PPM1E: variants seen among roughly 807,000 people sequenced by gnomAD.
The protein encoded by PPM1E is protein phosphatase 1E.
PPM1E carries 20 observed loss-of-function variants against 65.9 expected under a neutral mutation model. The ratio of observed to expected loss-of-function variants is 0.30; its 90% CI spans 0.21 to 0.44. The LOEUF is 0.44. Among genes scored for constraint, PPM1E ranks in the 20% least tolerant of loss-of-function variants. The pLI is 1.00. For missense variants in PPM1E, 713 were observed against 953.1 expected, an observed-to-expected ratio of 0.75 and a Z score of 3.32; for synonymous variants, 352 against 374.9, an observed-to-expected ratio of 0.94 and a Z score of 0.70.
chr17:58,906,423 C>G (rs1230177062), intron 1 of PPM1E, among the ~76,000 whole-genome samples: 1 of 152,190 alleles, frequency 6.6e-6, no homozygotes, highest in African/African-American at 2.4e-5. Flanking sequence ...ACTGCAGCTT[C>G]AATCTCCCAG....
rs541451791 is a variant in PPM1E, at chr17:58,926,988, T to C, written c.465-28661T>C. On this transcript the variant is annotated intron_variant, in intron 1 of 6. Transcript: ENST00000308249. Reference sequence around the variant, plus strand: ...ATTGACTAACATTGAATTCAGACTTTGTGTTATTTTAACTCACAATTTATT... The same window carrying C: ...ATTGACTAACATTGAATTCAGACTTCGTGTTATTTTAACTCACAATTTATT... Among the ~76,000 whole-genome samples, 3 of 152,262 alleles carry C rather than the reference T, an allele frequency of 2.0e-5. No individual in the cohort carries two copies. In the South Asian group the frequency reaches 6.2e-4, roughly 32 times the overall value.
At chr17:58,969,367 G>A (rs2030452037) in intron 3 of PPM1E, 172 bp from the exon 4 acceptor site, 2 of 725,996 alleles carry the variant, frequency 2.8e-6, no homozygotes, top group African/African-American at 1.7e-5. Context: ...TAATATTGCA[G>A]GTATTTCAGC....
intron 1 of PPM1E, among the ~76,000 whole-genome samples, chr17:58,830,660 A>G (rs1214308395): frequency 2.0e-5 from 3 of 151,382 alleles, no homozygotes; most frequent in African/African-American, 7.3e-5. Context: ...ACCTATTTGT[A>G]TGTGGTTTAC....
chr17:58,786,186 T>C (rs2050098980), intron 1 of PPM1E, among the ~76,000 whole-genome samples: 1 of 151,990 alleles, frequency 6.6e-6, no homozygotes, highest in Non-Finnish European at 1.5e-5. Context: ...GGCTAATTTT[T>C]TGTATTTTTA....
intron 6 of PPM1E, among the ~76,000 whole-genome samples, chr17:58,975,831 G>T (rs2143774660): frequency 6.6e-6 from 1 of 152,306 alleles, no homozygotes; most frequent in East Asian, 1.9e-4. Flanking sequence ...AGTAGAAAGA[G>T]CCTGGCTGGG....
rs559097194 is a variant in PPM1E at position 58,814,182 on chromosome 17, T to C, written c.464+57721T>C. Among the ~76,000 whole-genome samples the C allele has an allele frequency of 2.6e-5, 4 of 152,258 alleles. No homozygotes were observed. The South Asian group carries it at 8.3e-4, about 32-fold the overall frequency. On this transcript the variant is annotated intron_variant, in intron 1 of 6. Transcript: ENST00000308249. ...TGTCATTAAGAATATAGCTTCTAAG[T>C]TGATTCTAGAAAAAGAGTAGTATTT...
At chr17:58,839,874 G>C (rs1434860972) in intron 1 of PPM1E, among the ~76,000 whole-genome samples, 1 of 152,110 alleles carries the variant, frequency 6.6e-6, no homozygotes, top group African/African-American at 2.4e-5. Context: ...AGATGGGTAT[G>C]TGCACAAGTT....
At chr17:58,896,228 A>G (rs2051414717) in intron 1 of PPM1E, among the ~76,000 whole-genome samples, 3 of 152,186 alleles carry the variant, frequency 2.0e-5, no homozygotes, top group Admixed American at 2.0e-4. Context: ...CTTAAGCCAA[A>G]GCCTAATCCA....
chr17:58,959,191 C>T (rs1175967505), intron 2 of PPM1E, among the ~76,000 whole-genome samples: 1 of 151,700 alleles, frequency 6.6e-6, no homozygotes, highest in Non-Finnish European at 1.5e-5. Flanking sequence ...CACCTGTAGT[C>T]CCAGCTACTT....
At chr17:58,886,913 A>G (rs986152387) in intron 1 of PPM1E, among the ~76,000 whole-genome samples, 2 of 152,110 alleles carry the variant, frequency 1.3e-5, no homozygotes, top group African/African-American at 4.8e-5. Flanking sequence ...CAAAGAGCAT[A>G]TGGGAACTCT....
intron 1 of PPM1E, among the ~76,000 whole-genome samples, chr17:58,955,193 C>T (rs1395762502): frequency 6.6e-6 from 1 of 152,082 alleles, no homozygotes; most frequent in Non-Finnish European, 1.5e-5. Flanking sequence ...GGAGAAACCC[C>T]GTCTCTACTA....
intron 1 of PPM1E, among the ~76,000 whole-genome samples, chr17:58,804,996 C>G (rs2050291750): frequency 6.6e-6 from 1 of 152,094 alleles, no homozygotes; most frequent in East Asian, 1.9e-4. Flanking sequence ...ACCCATTGAC[C>G]AATCTCTCTT....
At chr17:58,873,584 T>C (rs902724881) in intron 1 of PPM1E, among the ~76,000 whole-genome samples, 1 of 146,294 alleles carries the variant, frequency 6.8e-6, no homozygotes, top group South Asian at 2.2e-4. Flanking sequence ...TTATTATTAT[T>C]ATTATTATTA....
At chr17:58,876,270 A>C (rs890669876) in intron 1 of PPM1E, among the ~76,000 whole-genome samples, 2 of 152,078 alleles carry the variant, frequency 1.3e-5, no homozygotes, top group African/African-American at 4.8e-5. Flanking sequence ...TTTTTAAAGG[A>C]GTTATACTTT....
chr17:58,772,398 G>A (rs1307158306), intron 1 of PPM1E, among the ~76,000 whole-genome samples: 1 of 151,920 alleles, frequency 6.6e-6, no homozygotes, highest in Non-Finnish European at 1.5e-5. Context: ...AGAGGTTGCA[G>A]TGAGCCAAGA....
intron 1 of PPM1E, among the ~76,000 whole-genome samples, chr17:58,912,505 C>T (rs1011287120): frequency 6.6e-6 from 1 of 152,062 alleles, no homozygotes; most frequent in Admixed American, 6.5e-5. Context: ...ACAAGGAGGC[C>T]AGTGTGACTG....
chr17:58,891,465 G>C (rs1344061739), intron 1 of PPM1E, among the ~76,000 whole-genome samples: 1 of 151,970 alleles, frequency 6.6e-6, no homozygotes, highest in Admixed American at 6.6e-5. Context: ...TGGGGTTACA[G>C]GTGCATGCCA....
chr17:58,900,057 G>C (rs1410790653), intron 1 of PPM1E, among the ~76,000 whole-genome samples: 1 of 151,838 alleles, frequency 6.6e-6, no homozygotes, highest in Non-Finnish European at 1.5e-5. Flanking sequence ...AAGAGGAGTT[G>C]CTTCTTATGG....
chr17:58,860,365 C>T (rs532218861), intron 1 of PPM1E, among the ~76,000 whole-genome samples: 3 of 152,290 alleles, frequency 2.0e-5, no homozygotes, highest in African/African-American at 7.2e-5. Context: ...CATTCAGTGG[C>T]ATGCCAGTCA....
Sources: gnomAD v4.1 joint callset for allele counts (sites outside exome capture counted in the v4.1 genomes callset) on GRCh38, gnomAD v4.1.1 for gene constraint, MANE v1.5 for transcripts, NCBI Gene and HGNC (gene_info 2026-07-23, HGNC 2026-07-21) for gene names.